PHKA1: variants seen among roughly 807,000 people sequenced by gnomAD.
The protein encoded by PHKA1 is phosphorylase kinase regulatory subunit alpha 1, also known as phosphorylase b kinase regulatory subunit alpha, skeletal muscle isoform.
In PHKA1, 60 loss-of-function variants were observed where a neutral mutation model predicts 110.2. The ratio of observed to expected loss-of-function variants is 0.54; its 90% CI spans 0.44 to 0.68. The LOEUF (loss-of-function observed/expected upper bound fraction) is 0.68. Among genes scored for constraint, PHKA1 ranks in the 30% least tolerant of loss-of-function variants. The pLI is 0.00. For synonymous variants in PHKA1, 316 were observed against 333.6 expected, an observed-to-expected ratio of 0.95 and a Z score of 0.58; for missense variants, 801 against 942.5, an observed-to-expected ratio of 0.85 and a Z score of 1.97.
chrX:72,598,876 A>G (rs1428056159), intron 28 of PHKA1, among the ~76,000 whole-genome samples: 1 of 111,352 alleles, frequency 9.0e-6, no homozygotes, highest in Admixed American at 9.5e-5. Flanking sequence ...CAACCAATGC[A>G]ATGTAAAAAA....
intron 20 of PHKA1, 141 bp from the exon 21 acceptor site, chrX:72,618,990 T>C: frequency 1.6e-6 from 1 of 626,268 alleles, no homozygotes; most frequent in Non-Finnish European, 2.6e-6. Context: ...GCAAAAGTAA[T>C]GAAACCTTCC....
intron 4 of PHKA1, among the ~76,000 whole-genome samples, chrX:72,689,969 G>A: frequency 8.9e-6 from 1 of 111,848 alleles, no homozygotes; most frequent in Non-Finnish European, 1.9e-5. Flanking sequence ...AATTAATGAT[G>A]TTCACTATCC....
At position 72,618,857 on chromosome X, in the gene PHKA1, T is replaced by A; in HGVS notation, c.2230-8A>T. The stretch of plus-strand genomic sequence containing the variant: ...TACACGAACAGAGGGAACCTTTAGT[T>A]TGAGAAATGATGACAAGAAATTAAG... On this transcript the variant is annotated splice_polypyrimidine_tract_variant and splice_region_variant and intron_variant, in intron 20 of 31. Transcript: ENST00000373542. The A allele has an allele frequency of 1.3e-5, 16 of 1,199,567 alleles. No individual in the cohort carries two copies. Among genetic ancestry groups the A allele is most frequent in the Non-Finnish European group, 1.8e-5 (16 of 884,560 alleles).
At chrX:72,699,234 G>A (rs1338215115) in intron 3 of PHKA1, among the ~76,000 whole-genome samples, 5 of 110,232 alleles carry the variant, frequency 4.5e-5, no homozygotes, top group African/African-American at 1.7e-4. Flanking sequence ...GAGGCCAGGC[G>A]CAGTGGCTCA....
At position 72,635,260 on chromosome X, in the gene PHKA1, T is replaced by C; in HGVS notation, c.1609A>G (p.Lys537Glu). Residue 537 changes from lysine to glutamate, a missense_variant, in exon 16 of 32, where the codon AAG becomes GAG. Coordinates refer to ENST00000373542, the MANE Select transcript of PHKA1 (RefSeq NM_002637.4). ...QQQFYLALDNKMIVEMLRTDL... is the reference protein window; with the variant it reads ...QQQFYLALDNEMIVEMLRTDL... ...GTTCTAAGCATTTCCACTATCATCT[T>C]GTTGTCCAGAGCCAGGTAGAACTGT... The C allele has an allele frequency of 8.3e-7, 1 of 1,210,691 alleles. No homozygotes were observed. The highest frequency in any genetic ancestry group is 2.3e-4 in the Middle Eastern group (1 of 4,292).
At chrX:72,628,576 ATATAAATATATATATATATATT>A (rs2053120316) in intron 16 of PHKA1, among the ~76,000 whole-genome samples, 2 of 91,316 alleles carry the variant, frequency 2.2e-5, no homozygotes, top group African/African-American at 1.0e-4. Context: ...ATATATTCCC[ATATAAATATATATATATATATT>A]TTTTTTTTTC....
rs1266975265 is a variant in PHKA1, at chrX:72,620,825, A to G, written c.2037T>C (p.Pro679=). 1 of 1,207,142 alleles carries G rather than the reference A, an allele frequency of 8.3e-7. No individual in the cohort carries two copies. The highest frequency in any genetic ancestry group is 1.1e-6 in the Non-Finnish European group (1 of 893,758). ...GATCTAGCCCTCCCTTCTGTGAGGT[A>G]GGGGCTAGTTTAGGATGGGGAGCAG... ...AHTAPHPKLA[P]TSQKGGLDRF... Residue 679 remains proline, a synonymous_variant, in exon 19 of 32, where the codon CCT becomes CCC. Coordinates refer to ENST00000373542, the MANE Select transcript of PHKA1 (RefSeq NM_002637.4).
chrX:72,623,484 T>C (rs1210061399), intron 17 of PHKA1, among the ~76,000 whole-genome samples: 6 of 111,342 alleles, frequency 5.4e-5, no homozygotes, highest in Non-Finnish European at 1.1e-4. Context: ...TAATAAAGGT[T>C]ACAATTATGG....
At chrX:72,625,191 C>T (rs2053040162) in intron 17 of PHKA1, among the ~76,000 whole-genome samples, 2 of 111,602 alleles carry the variant, frequency 1.8e-5, no homozygotes, top group African/African-American at 6.5e-5. Context: ...GGTGTACAAA[C>T]TATTTCATCA....
Position 72,620,771 on chromosome X carries a change from G to A in PHKA1, c.2091C>T (p.Cys697=), listed in dbSNP as rs782416080. 5 of 1,207,860 alleles carry A rather than the reference G, an allele frequency of 4.1e-6. No individual in the cohort carries two copies. The highest frequency in any genetic ancestry group is 3.0e-5 in the East Asian group (1 of 33,724). Residue 697 remains cysteine, a synonymous_variant, in exon 19 of 32, where the codon TGC becomes TGT. Coordinates refer to ENST00000373542, the MANE Select transcript of PHKA1 (RefSeq NM_002637.4). The part of the protein sequence containing the change: ...DRFQAAVQTT[C]DLMSLVTKAK... ...CCTTGGTCACCAAGGACATTAAGTC[G>A]CAGGTTGTTTGCACAGCAGCTTGGA...
chrX:72,646,937 C>A (rs2053367557), intron 13 of PHKA1, among the ~76,000 whole-genome samples: 1 of 109,879 alleles, frequency 9.1e-6, no homozygotes, highest in Non-Finnish European at 1.9e-5. Context: ...TCGAGACCAG[C>A]CTGGCCAACA....
intron 19 of PHKA1, 38 bp downstream of exon 19, chrX:72,620,687 T>C (rs781810313): frequency 8.7e-7 from 1 of 1,148,928 alleles, no homozygotes; most frequent in Non-Finnish European, 1.2e-6. Flanking sequence ...CTTCACGTCA[T>C]CCTGTGCCTG....
chrX:72,599,449 A>C (rs1603253073), intron 28 of PHKA1, among the ~76,000 whole-genome samples: 1 of 111,843 alleles, frequency 8.9e-6, no homozygotes, highest in East Asian at 2.8e-4. Flanking sequence ...AATCAGAAGA[A>C]AAGCTAACCC....
chrX:72,688,365 A>G (rs934310739), intron 4 of PHKA1, among the ~76,000 whole-genome samples: 1 of 112,098 alleles, frequency 8.9e-6, no homozygotes, highest in African/African-American at 3.2e-5. Flanking sequence ...AGAAGAGATG[A>G]TAGTGACATG....
chrX:72,661,103 T>C (rs1235123701), intron 8 of PHKA1, among the ~76,000 whole-genome samples: 1 of 112,471 alleles, frequency 8.9e-6, no homozygotes, highest in African/African-American at 3.2e-5. Context: ...AAACATTCCA[T>C]GTTTTAATCT....
chrX:72,654,034 A>C (rs781899572), intron 10 of PHKA1, among the ~76,000 whole-genome samples: 1 of 110,307 alleles, frequency 9.1e-6, no homozygotes, highest in South Asian at 3.9e-4. Flanking sequence ...ATGTAAAAAA[A>C]AAAACAAAAC....
chrX:72,702,052 C>CT (rs782210099), intron 3 of PHKA1, among the ~76,000 whole-genome samples: 5 of 111,298 alleles, frequency 4.5e-5, no homozygotes, highest in South Asian at 3.9e-4. Context: ...TTTTTCCTTC[C>CT]TTTTTTTCCC....
intron 9 of PHKA1, among the ~76,000 whole-genome samples, chrX:72,656,479 A>G (rs1556301517): frequency 8.9e-6 from 1 of 112,454 alleles, no homozygotes; most frequent in African/African-American, 3.2e-5. Flanking sequence ...TTGGTTTGCA[A>G]TAAAGTTCAG....
At chrX:72,636,426 C>T (rs1556291879) in intron 14 of PHKA1, 40 bp from the exon 15 acceptor site, 1 of 828,139 alleles carries the variant, frequency 1.2e-6, no homozygotes, top group Non-Finnish European at 1.8e-6. Context: ...ATTTCTAGAG[C>T]ACAAATCAAA....
Sources: gnomAD v4.1 joint callset for allele counts (sites outside exome capture counted in the v4.1 genomes callset) on GRCh38, gnomAD v4.1.1 for gene constraint, MANE v1.5 for transcripts, NCBI Gene and HGNC (gene_info 2026-07-23, HGNC 2026-07-21) for gene names.